The following LRRC53 variants were observed in gnomAD, a reference collection of about 807,000 sequenced individuals.
LRRC53 encodes leucine-rich repeat-containing protein 53.
Under a neutral mutation model 13.6 loss-of-function variants are expected in LRRC53, and 25 were observed. That is an observed-to-expected ratio of 1.83 (90% confidence interval 1.34 to 2.56). The LOEUF (loss-of-function observed/expected upper bound fraction) is 2.56. LRRC53 is among the 30% of genes most tolerant of loss of function. The pLI, the probability that LRRC53 is intolerant of heterozygous loss-of-function variation, is 0.00. For synonymous variants in LRRC53, 204 were observed against 109.8 expected, an observed-to-expected ratio of 1.86 and a Z score of -5.37; for missense variants, 527 against 275.8, an observed-to-expected ratio of 1.91 and a Z score of -6.45.
At chr1:74,512,102 T>G (rs1235623822) in intron 1 of LRRC53, among the ~76,000 whole-genome samples, 1 of 152,190 alleles carries the variant, frequency 6.6e-6, no homozygotes, top group Non-Finnish European at 1.5e-5. Context: ...TGAAAAGATC[T>G]GGATGGGACT....
chr1:74,529,518 T>C, the LRRC53 span, among the ~76,000 whole-genome samples: 1 of 152,234 alleles, frequency 6.6e-6, no homozygotes, highest in Non-Finnish European at 1.5e-5. Flanking sequence ...TGATTCTGAA[T>C]TAGATTCTTT....
At chr1:74,500,248 AG>A (rs1320181712) in intron 1 of LRRC53, among the ~76,000 whole-genome samples, 11 of 152,080 alleles carry the variant, frequency 7.2e-5, no homozygotes, top group African/African-American at 1.9e-4. Flanking sequence ...TGTTTTATTT[AG>A]GCTTACCTCA....
chr1:74,505,949 C>T (rs185536942), intron 1 of LRRC53, among the ~76,000 whole-genome samples: 15 of 152,188 alleles, frequency 9.9e-5, no homozygotes, highest in Admixed American at 3.9e-4. Context: ...TGTTTGCCAC[C>T]CTGACTTCTC....
chr1:74,482,437 TGA>T (rs1193673906), intron 2 of LRRC53, among the ~76,000 whole-genome samples: 1 of 152,200 alleles, frequency 6.6e-6, no homozygotes, highest in Non-Finnish European at 1.5e-5. Context: ...TTTTAGATGG[TGA>T]GAGTTTAGTG....
chr1:74,533,813 C>CA, the LRRC53 span, among the ~76,000 whole-genome samples: 5 of 152,036 alleles, frequency 3.3e-5, no homozygotes, highest in Non-Finnish European at 4.4e-5. Flanking sequence ...ATCACAAGGA[C>CA]AAAAAACCAA....
chr1:74,523,296 A>G, the LRRC53 span, among the ~76,000 whole-genome samples: 1 of 152,230 alleles, frequency 6.6e-6, no homozygotes, highest in Non-Finnish European at 1.5e-5. Context: ...TTGATACCTC[A>G]TAGTGGATTT....
Position 74,471,837 on chromosome 1 carries a change from T to A in LRRC53, c.1785A>T (p.Gln595His). Residue 595 changes from glutamine (Q) to histidine (H), a missense_variant, in exon 5 of 5, where the codon CAA becomes CAT. Physicochemically the swap from Gln to His is conservative, Grantham distance 24. Coordinates refer to ENST00000294635, the MANE Select transcript of LRRC53 (RefSeq NM_001382280.1). Reference sequence around the variant, plus strand: ...TTTGCTCTTTCTCAGGCTTTGAGTGTTGTCTACGATTTGGCTTCTTTTCTT... The same window carrying A: ...TTTGCTCTTTCTCAGGCTTTGAGTGATGTCTACGATTTGGCTTCTTTTCTT... ...YMKEKKPNRR[Q>H]HSKPEKEQIQ... The A allele has an allele frequency of 2.2e-6, 1 of 449,060 alleles. No individual in the cohort carries two copies. Among genetic ancestry groups the A allele is most frequent in the Non-Finnish European group, 3.9e-6 (1 of 254,758 alleles). The allele number at this position is 449,060 out of a possible 1,614,324, so 27.8% of individuals were successfully genotyped here. A position where few individuals can be genotyped will look rare whatever the true frequency, so the allele number is the denominator to read the frequency against.
chr1:74,520,332 C>A, the LRRC53 span, among the ~76,000 whole-genome samples: 4 of 152,256 alleles, frequency 2.6e-5, no homozygotes, highest in East Asian at 7.7e-4. Flanking sequence ...AGTGACCTCG[C>A]TTCCGACTTT....
the LRRC53 span, among the ~76,000 whole-genome samples, chr1:74,518,881 T>C: frequency 7.5e-6 from 1 of 133,646 alleles, no homozygotes; most frequent in African/African-American, 3.2e-5. Context: ...CCCCTTTTTT[T>C]TTTTTTTTTT....
At chr1:74,475,235 G>A (rs1010324218) in intron 4 of LRRC53, 60 bp downstream of exon 4, 1 of 613,364 alleles carries the variant, frequency 1.6e-6, no homozygotes. Context: ...AAAGGAGGGA[G>A]GCTCCCTCCT....
chr1:74,488,858 T>C (rs1668897117), intron 1 of LRRC53, among the ~76,000 whole-genome samples: 1 of 152,216 alleles, frequency 6.6e-6, no homozygotes, highest in Non-Finnish European at 1.5e-5. Flanking sequence ...AGATAGTTAA[T>C]AGTTTTTAGT....
intron 4 of LRRC53, among the ~76,000 whole-genome samples, chr1:74,473,569 G>T (rs367599141): frequency 9.2e-5 from 14 of 151,486 alleles, no homozygotes; most frequent in Non-Finnish European, 7.4e-5. Flanking sequence ...TAGGTGTTAG[G>T]CCTCAAAATT....
chr1:74,487,102 G>A (rs370071950), intron 1 of LRRC53, among the ~76,000 whole-genome samples: 2 of 152,304 alleles, frequency 1.3e-5, no homozygotes, highest in East Asian at 3.9e-4. Context: ...TAGCTTGAAG[G>A]AGGACGTTAA....
the LRRC53 span, among the ~76,000 whole-genome samples, chr1:74,534,653 T>C: frequency 6.6e-6 from 1 of 152,182 alleles, no homozygotes; most frequent in Non-Finnish European, 1.5e-5. Context: ...ACAATATATC[T>C]CTTTGGATTA....
At chr1:74,515,048 C>T (rs1243493774), upstream of LRRC53, among the ~76,000 whole-genome samples, 2 of 152,144 alleles carry the variant, frequency 1.3e-5, no homozygotes, top group Non-Finnish European at 2.9e-5. Context: ...GTAGCCCTCA[C>T]CAGAAACTAG....
At chr1:74,509,188 A>G (rs1413943398) in intron 1 of LRRC53, among the ~76,000 whole-genome samples, 5 of 152,080 alleles carry the variant, frequency 3.3e-5, no homozygotes, top group Non-Finnish European at 5.9e-5. Context: ...TTCCTTACTT[A>G]TTTACACTAC....
chr1:74,500,465 G>A (rs563695229), intron 1 of LRRC53, among the ~76,000 whole-genome samples: 261 of 150,804 alleles, frequency 1.7e-3, no homozygotes, highest in African/African-American at 6.0e-3. Context: ...TTAGCCGGGC[G>A]TAGTGGCGGG....
intron 1 of LRRC53, among the ~76,000 whole-genome samples, chr1:74,507,113 T>A (rs992629237): frequency 6.6e-6 from 1 of 152,200 alleles, no homozygotes; most frequent in East Asian, 1.9e-4. Context: ...GCAAGATCCC[T>A]GTATTATTCA....
At chr1:74,509,964 G>T (rs1227583495) in intron 1 of LRRC53, among the ~76,000 whole-genome samples, 1 of 151,864 alleles carries the variant, frequency 6.6e-6, no homozygotes, top group Non-Finnish European at 1.5e-5. Context: ...AAGTCACCCA[G>T]GCTGGTCTTG....
Sources: gnomAD v4.1 joint callset for allele counts (sites outside exome capture counted in the v4.1 genomes callset) on GRCh38, gnomAD v4.1.1 for gene constraint, MANE v1.5 for transcripts, NCBI Gene and HGNC (gene_info 2026-07-23, HGNC 2026-07-21) for gene names.